GRIA4: variants seen among roughly 807,000 people sequenced by gnomAD.
The protein encoded by GRIA4 is glutamate receptor 4.
Under a neutral mutation model 104.0 loss-of-function variants are expected in GRIA4, and 34 were observed. The ratio of observed to expected loss-of-function variants is 0.33; its 90% confidence interval spans 0.25 to 0.44. GRIA4 has a LOEUF of 0.44. Ranked by LOEUF, GRIA4 falls within the 20% of genes least tolerant of loss-of-function variation. The pLI, the probability that GRIA4 is intolerant of heterozygous loss-of-function variation, is 1.00. For synonymous variants in GRIA4, 386 were observed against 381.9 expected (o/e 1.01, Z -0.13); for missense variants, 750 against 1,096.5 (o/e 0.68, Z 4.46).
intron 9 of GRIA4, among the ~76,000 whole-genome samples, chr11:105,910,095 AG>A (rs1361148762): frequency 1.3e-5 from 2 of 152,168 alleles, no homozygotes; most frequent in Non-Finnish European, 2.9e-5. Context: ...AAATTAATTT[AG>A]GGGGCACCAG....
chr11:105,678,943 T>C (rs1175204877), intron 3 of GRIA4, among the ~76,000 whole-genome samples: 2 of 152,094 alleles, frequency 1.3e-5, no homozygotes, highest in Non-Finnish European at 2.9e-5. Flanking sequence ...TGAATCAGAA[T>C]GCCCTAAAAA....
At chr11:105,731,033 T>C (rs1056781754) in intron 3 of GRIA4, among the ~76,000 whole-genome samples, 2 of 152,214 alleles carry the variant, frequency 1.3e-5, no homozygotes, top group East Asian at 3.9e-4. Flanking sequence ...AAATGGGATC[T>C]AACTAAACTA....
intron 3 of GRIA4, among the ~76,000 whole-genome samples, chr11:105,744,975 C>T (rs956064059): frequency 1.3e-5 from 2 of 151,972 alleles, no homozygotes; most frequent in African/African-American, 4.8e-5. Flanking sequence ...GGATACAGTA[C>T]ATTTCAAAAA....
chr11:105,701,231 CT>C (rs1270386712), intron 3 of GRIA4, among the ~76,000 whole-genome samples: 2 of 152,142 alleles, frequency 1.3e-5, no homozygotes, highest in African/African-American at 2.4e-5. Flanking sequence ...GCTTACTTTG[CT>C]TTTTTAACCG....
At chr11:105,620,235 C>T (rs1396418386) in intron 3 of GRIA4, among the ~76,000 whole-genome samples, 1 of 151,892 alleles carries the variant, frequency 6.6e-6, no homozygotes, top group Non-Finnish European at 1.5e-5. Flanking sequence ...TTCTTTGAAA[C>T]TCATTCCTCC....
At chr11:105,737,522 A>G (rs925732351) in intron 3 of GRIA4, among the ~76,000 whole-genome samples, 2 of 152,146 alleles carry the variant, frequency 1.3e-5, no homozygotes, top group African/African-American at 4.8e-5. Context: ...GGTTACTGCA[A>G]TCTTATTGTT....
intron 14 of GRIA4, among the ~76,000 whole-genome samples, chr11:105,956,939 AT>A (rs1207965325): frequency 8.9e-6 from 1 of 112,136 alleles, no homozygotes. Context: ...TCCTTTGCCC[AT>A]TTTTTGATGG....
At position 105,634,115 on chromosome 11, in the gene GRIA4, G is replaced by A. The variant is rs560644116; in HGVS notation, c.247+21681G>A. On this transcript the variant is annotated intron_variant, in intron 3 of 16. Transcript: ENST00000282499. ...TGTAATCCCAGCACTTTGGGAGGCC[G>A]AGGTGGGCAGATCACGAGGTCAGGA... Among the ~76,000 whole-genome samples the A allele has an allele frequency of 5.3e-5, 8 of 152,146 alleles. No individual in the cohort carries two copies. In the East Asian group the frequency reaches 7.8e-4, roughly 15 times the overall value.
intron 4 of GRIA4, among the ~76,000 whole-genome samples, chr11:105,827,830 C>T (rs567657862): frequency 6.6e-6 from 1 of 152,006 alleles, no homozygotes; most frequent in Non-Finnish European, 1.5e-5. Context: ...TCAACAACTT[C>T]TGGTTAAGTC....
chr11:105,686,852 G>C (rs1398364464), intron 3 of GRIA4, among the ~76,000 whole-genome samples: 2 of 152,078 alleles, frequency 1.3e-5, no homozygotes, highest in African/African-American at 2.4e-5. Flanking sequence ...TTTCATGTTT[G>C]TTGGCTGCCA....
intron 3 of GRIA4, among the ~76,000 whole-genome samples, chr11:105,661,810 C>T (rs982479537): frequency 4.5e-4 from 69 of 151,748 alleles, no homozygotes; most frequent in Non-Finnish European, 8.9e-4. Context: ...GGGAACAGGA[C>T]TAGAGAAAGA....
chr11:105,909,972 G>C (rs1947173290), intron 9 of GRIA4, among the ~76,000 whole-genome samples: 1 of 152,054 alleles, frequency 6.6e-6, no homozygotes, highest in South Asian at 2.1e-4. Flanking sequence ...CTCCTGTTTT[G>C]CTTTAAAAAT....
intron 6 of GRIA4, among the ~76,000 whole-genome samples, chr11:105,890,524 A>G (rs1385000739): frequency 6.6e-6 from 1 of 152,174 alleles, no homozygotes; most frequent in Non-Finnish European, 1.5e-5. Flanking sequence ...TCAATTAACA[A>G]CCATTCAATC....
At chr11:105,839,580 C>G (rs1944318002) in intron 4 of GRIA4, among the ~76,000 whole-genome samples, 2 of 151,576 alleles carry the variant, frequency 1.3e-5, no homozygotes, top group South Asian at 4.2e-4. Flanking sequence ...TAAGCACAAC[C>G]AATAATTTCT....
In GRIA4 at chr11:105,924,588, A is replaced by T; in HGVS notation, c.1666A>T (p.Ile556Phe). 6.2e-7 allele frequency: 1 copy of T among 1,612,820 alleles called. No homozygotes were observed. The highest frequency in any genetic ancestry group is 8.5e-7 in the Non-Finnish European group (1 of 1,179,094). Residue 556 changes from isoleucine (I) to phenylalanine (F), a missense_variant, in exon 12 of 17, where the codon ATT (isoleucine) becomes TTT (phenylalanine). Coordinates refer to ENST00000282499, the MANE Select transcript of GRIA4 (RefSeq NM_000829.4). ...EIWMCIVFAY[I>F]GVSVVLFLVS... ...TTGGATGTGCATAGTCTTTGCCTAC[A>T]TTGGTGTCAGCGTGGTCTTATTCCT... is the stretch of plus-strand genomic sequence containing the variant.
In GRIA4 at chr11:105,924,383, GT is replaced by G; in HGVS notation, c.1477-10del. ...TTCATTAACCTATGTGTCTCCATGT[GT>G]TTTTTCTCTTATAGAAAGCAGAGAT... On this transcript the variant is annotated splice_polypyrimidine_tract_variant and intron_variant, in intron 11 of 16. Transcript: ENST00000282499. 2 of 1,558,744 alleles carry G rather than the reference GT, an allele frequency of 1.3e-6. No individual in the cohort carries two copies. The highest frequency in any genetic ancestry group is 1.7e-6 in the Non-Finnish European group (2 of 1,148,076).
chr11:105,749,644 C>T (rs1939878966), intron 3 of GRIA4, among the ~76,000 whole-genome samples: 3 of 152,164 alleles, frequency 2.0e-5, no homozygotes, highest in South Asian at 4.1e-4. Context: ...TTTGACTTAG[C>T]GTGGCATCTG....
At chr11:105,969,206 T>G (rs1258637629) in intron 14 of GRIA4, among the ~76,000 whole-genome samples, 1 of 152,192 alleles carries the variant, frequency 6.6e-6, no homozygotes, top group East Asian at 1.9e-4. Flanking sequence ...ATAAGCCACT[T>G]TCCTCTATCA....
At chr11:105,894,540 AT>A (rs1462528882) in intron 6 of GRIA4, among the ~76,000 whole-genome samples, 2 of 152,132 alleles carry the variant, frequency 1.3e-5, no homozygotes, top group African/African-American at 4.8e-5. Flanking sequence ...CTTGACAGCA[AT>A]TTTTGCTCAG....
Sources: gnomAD v4.1 joint callset for allele counts (sites outside exome capture counted in the v4.1 genomes callset) on GRCh38, gnomAD v4.1.1 for gene constraint, MANE v1.5 for transcripts, NCBI Gene and HGNC (gene_info 2026-07-23, HGNC 2026-07-21) for gene names.